PCDHA7: variants seen among roughly 807,000 people sequenced by gnomAD.
PCDHA7 encodes the protein protocadherin alpha 7, also known as protocadherin alpha-7.
In PCDHA7, 37 loss-of-function variants were observed where a neutral mutation model predicts 57.2. That is an observed-to-expected ratio of 0.65 (90% confidence interval 0.50 to 0.85). PCDHA7 has a LOEUF of 0.85. Ranked by LOEUF, PCDHA7 falls within the 40% of genes least tolerant of loss-of-function variation. The probability of loss-of-function intolerance (pLI) is 0.00; values close to 1 mark genes in which losing one functional copy is unlikely to be tolerated. For synonymous variants in PCDHA7, 553 were observed against 558.8 expected (o/e 0.99, Z 0.15); for missense variants, 1,188 against 1,241.8 (o/e 0.96, Z 0.65).
intron 1 of PCDHA7, among the ~76,000 whole-genome samples, chr5:140,951,992 A>G (rs1469467629): frequency 6.6e-6 from 1 of 152,212 alleles, no homozygotes; most frequent in Non-Finnish European, 1.5e-5. Flanking sequence ...AAAACCAGCC[A>G]AAAGAAAGAA....
intron 3 of PCDHA7, among the ~76,000 whole-genome samples, chr5:141,007,295 A>G (rs181235064): frequency 1.6e-3 from 250 of 151,912 alleles, no homozygotes; most frequent in Non-Finnish European, 2.9e-3. Context: ...TCATGCCTGT[A>G]ATCTTAGCAT....
chr5:140,887,349 G>A (rs1311370450), intron 1 of PCDHA7, among the ~76,000 whole-genome samples: 2 of 152,084 alleles, frequency 1.3e-5, no homozygotes, highest in Non-Finnish European at 2.9e-5. Flanking sequence ...ACCTGGCTCG[G>A]CCTCCCAAAG....
chr5:140,846,985 C>T (rs138755205), intron 1 of PCDHA7, among the ~76,000 whole-genome samples: 9 of 149,188 alleles, frequency 6.0e-5, no homozygotes, highest in African/African-American at 1.5e-4. Context: ...AAGTAAGTTC[C>T]CCCCGGGAGA....
chr5:140,890,621 A>G (rs1209531386), intron 1 of PCDHA7, among the ~76,000 whole-genome samples: 1 of 152,174 alleles, frequency 6.6e-6, no homozygotes, highest in Non-Finnish European at 1.5e-5. Context: ...TACCCTAGAA[A>G]ATTAAGCATG....
intron 1 of PCDHA7, chr5:140,967,902 C>T: frequency 6.2e-7 from 1 of 1,614,192 alleles, no homozygotes; most frequent in East Asian, 2.2e-5. Flanking sequence ...GAGAATGCTA[C>T]ACCCAACACC....
chr5:140,849,715 T>A (rs2150446343), intron 1 of PCDHA7: 2 of 1,598,584 alleles, frequency 1.3e-6, no homozygotes. Context: ...TACTACTCGT[T>A]GGTGCTGGAC....
At chr5:140,995,608 C>G (rs543938511) in intron 3 of PCDHA7, among the ~76,000 whole-genome samples, 1 of 152,206 alleles carries the variant, frequency 6.6e-6, no homozygotes, top group East Asian at 1.9e-4. Flanking sequence ...TTTCTTCTCC[C>G]AAACCAAATA....
chr5:140,919,301 A>G (rs1278715166), intron 1 of PCDHA7, among the ~76,000 whole-genome samples: 1 of 152,158 alleles, frequency 6.6e-6, no homozygotes, highest in African/African-American at 2.4e-5. Context: ...CTGTTTGTAC[A>G]ATATATGTTT....
At position 140,928,998 on chromosome 5, in the gene PCDHA7, C is replaced by G. The variant is rs1448389331; in HGVS notation, c.2356-49951C>G. On this transcript the variant is annotated intron_variant, in intron 1 of 3. Coordinates refer to ENST00000525929, the MANE Select transcript of PCDHA7 (RefSeq NM_018910.3). The stretch of plus-strand genomic sequence containing the variant: ...TATTTCTGGGGTGCTTACTTTTCTT[C>G]GTGTGTACCAAGTTGCACCAGAGCC... The G allele has an allele frequency of 8.1e-6, 13 of 1,613,784 alleles. No individual in the cohort carries two copies. The Admixed American group carries it at 2.2e-4, about 27-fold the overall frequency.
chr5:140,862,714 G>C, intron 1 of PCDHA7: 1 of 562,754 alleles, frequency 1.8e-6, no homozygotes, highest in South Asian at 1.4e-5. Flanking sequence ...GCGGGTGGGC[G>C]AGTGCGCGCT....
chr5:140,985,885 G>A (rs1218097274), intron 3 of PCDHA7, among the ~76,000 whole-genome samples: 4 of 151,548 alleles, frequency 2.6e-5, no homozygotes, highest in Non-Finnish European at 5.9e-5. Flanking sequence ...GACTACAGGC[G>A]CCCGCCACCA....
chr5:140,877,625 A>T (rs1554169929), intron 1 of PCDHA7: 1 of 1,613,774 alleles, frequency 6.2e-7, no homozygotes, highest in Non-Finnish European at 8.5e-7. Context: ...CTGCTGCTGT[A>T]CACTGCGCTG....
In PCDHA7 at chr5:140,920,855, A is replaced by C. The variant is rs537725798; in HGVS notation, c.2356-58094A>C. Among the ~76,000 whole-genome samples, 935 of 152,094 alleles carry C rather than the reference A, an allele frequency of 6.1e-3. 10 individuals are homozygous for C. Among genetic ancestry groups the C allele is most frequent in the Admixed American group, 0.012 (185 of 15,278 alleles). On this transcript the variant is annotated intron_variant, in intron 1 of 3. Coordinates refer to ENST00000525929, the MANE Select transcript of PCDHA7 (RefSeq NM_018910.3). ...AAGACCAAATCTAAAAAAAAAAAAAAAAACAAACAAACTGTGGCCCTTAGA... is the reference window on the plus strand; with the variant it reads ...AAGACCAAATCTAAAAAAAAAAAAACAAACAAACAAACTGTGGCCCTTAGA...
At position 140,834,695 on chromosome 5, in the gene PCDHA7, C is replaced by A. The variant is rs2150224453; in HGVS notation, c.312C>A (p.Ile104=). The stretch of plus-strand genomic sequence containing the variant: ...GCGGGCGGAGCGCGGAGTGCAGCAT[C>A]CACCTGGAGGTGATCGTGGAAAGGC... The part of the protein sequence containing the change: ...ELCGRSAECS[I]HLEVIVERPL... The change falls in exon 1 of 4, where the codon ATC becomes ATA. Residue 104 remains isoleucine (I), a synonymous_variant. Coordinates refer to ENST00000525929, the MANE Select transcript of PCDHA7 (RefSeq NM_018910.3). The A allele has an allele frequency of 6.2e-7, 1 of 1,614,120 alleles. No individual in the cohort carries two copies. The highest frequency in any genetic ancestry group is 8.5e-7 in the Non-Finnish European group (1 of 1,180,050).
intron 3 of PCDHA7, among the ~76,000 whole-genome samples, chr5:141,007,208 A>G (rs1056049066): frequency 5.3e-5 from 8 of 152,060 alleles, no homozygotes; most frequent in African/African-American, 1.9e-4. Context: ...GGGCCAGAAT[A>G]TGCTGTCCCA....
chr5:140,878,474 C>A (rs1227598146), intron 1 of PCDHA7, among the ~76,000 whole-genome samples: 1 of 152,134 alleles, frequency 6.6e-6, no homozygotes, highest in Non-Finnish European at 1.5e-5. Flanking sequence ...AATCATTTCT[C>A]AATTTAAAAA....
rs138621035 is a variant in PCDHA7 at position 140,848,721 on chromosome 5, G to A, written c.2355+11983G>A. ...TTCCAAAGGCCGCGGGGACCTTCTG[G>A]AGGTAAATCTGCAGAATGGCATTTT... On this transcript the variant is annotated intron_variant, in intron 1 of 3. Coordinates refer to ENST00000525929, the MANE Select transcript of PCDHA7 (RefSeq NM_018910.3). The A allele has an allele frequency of 1.9e-6, 3 of 1,592,458 alleles. No individual in the cohort carries two copies. Among genetic ancestry groups the A allele is most frequent in the African/African-American group, 2.7e-5 (2 of 74,256 alleles).
intron 1 of PCDHA7, chr5:140,968,321 A>G: frequency 6.2e-7 from 1 of 1,613,834 alleles, no homozygotes; most frequent in Non-Finnish European, 8.5e-7. Flanking sequence ...GCTGCCAGTC[A>G]CCTCCTATGT....
chr5:140,949,260 T>C (rs1292112980), intron 1 of PCDHA7, among the ~76,000 whole-genome samples: 1 of 151,804 alleles, frequency 6.6e-6, no homozygotes, highest in Non-Finnish European at 1.5e-5. Flanking sequence ...GATGAACATA[T>C]CACGTGCACT....
Sources: gnomAD v4.1 joint callset for allele counts (sites outside exome capture counted in the v4.1 genomes callset) on GRCh38, gnomAD v4.1.1 for gene constraint, MANE v1.5 for transcripts, NCBI Gene and HGNC (gene_info 2026-07-23, HGNC 2026-07-21) for gene names.